The following DHRS3 variants were observed in gnomAD, a reference collection of about 807,000 sequenced individuals.
The protein encoded by DHRS3 is dehydrogenase/reductase 3, also known as short-chain dehydrogenase/reductase 3.
Under a neutral mutation model 27.2 loss-of-function variants are expected in DHRS3, and 14 were observed. The ratio of observed to expected loss-of-function variants is 0.52; its 90% CI spans 0.34 to 0.81. The LOEUF (loss-of-function observed/expected upper bound fraction) is 0.81, where lower values mean the gene tolerates loss of function less well. Ranked by LOEUF, DHRS3 falls within the 30% of genes least tolerant of loss-of-function variation. The probability of loss-of-function intolerance (pLI) is 0.01; values close to 1 mark genes in which losing one functional copy is unlikely to be tolerated. For synonymous variants in DHRS3, 165 were observed against 175.9 expected (o/e 0.94, Z 0.49); for missense variants, 322 against 406.2 (o/e 0.79, Z 1.78).
chr1:12,607,649 G>A (rs1013829515), intron 1 of DHRS3, among the ~76,000 whole-genome samples: 3 of 152,020 alleles, frequency 2.0e-5, no homozygotes, highest in African/African-American at 4.8e-5. Context: ...CTATAGCAAT[G>A]TGAGAAAGGA....
chr1:12,577,957 C>T (rs1158495914), intron 4 of DHRS3, among the ~76,000 whole-genome samples: 1 of 152,172 alleles, frequency 6.6e-6, no homozygotes, highest in Non-Finnish European at 1.5e-5. Context: ...GAGAACATTT[C>T]TGAAGGTCTT....
At position 12,571,842 on chromosome 1, in the gene DHRS3, T is replaced by C. The variant is rs185133890; in HGVS notation, c.824+886A>G. On this transcript the variant is annotated intron_variant, in intron 5 of 5. Transcript: ENST00000616661. Reference sequence around the variant, plus strand: ...AGCCACCGTGCCCGGCCACATTGTTTCTGTAATAATACTAAGATGTTATTT... The same window carrying C: ...AGCCACCGTGCCCGGCCACATTGTTCCTGTAATAATACTAAGATGTTATTT... Among the ~76,000 whole-genome samples the C allele has an allele frequency of 2.0e-5, 3 of 152,238 alleles. No individual in the cohort carries two copies. In the East Asian group the frequency reaches 5.8e-4, roughly 29 times the overall value.
intron 1 of DHRS3, among the ~76,000 whole-genome samples, chr1:12,583,441 C>G: frequency 6.8e-6 from 1 of 146,616 alleles, no homozygotes; most frequent in East Asian, 2.1e-4. Flanking sequence ...TCCATCCATC[C>G]ATCCACTCAC....
chr1:12,613,821 G>C (rs966618658), intron 1 of DHRS3, among the ~76,000 whole-genome samples: 3 of 152,158 alleles, frequency 2.0e-5, no homozygotes, highest in African/African-American at 7.2e-5. Context: ...CCAGGCTGGA[G>C]TGCAATGGCG....
intron 1 of DHRS3, among the ~76,000 whole-genome samples, chr1:12,598,057 G>A (rs550515801): frequency 2.6e-5 from 4 of 152,178 alleles, no homozygotes; most frequent in Admixed American, 6.5e-5. Flanking sequence ...CAGGAAGAAC[G>A]TATCACACAT....
chr1:12,595,721 G>A (rs1404479236), intron 1 of DHRS3, among the ~76,000 whole-genome samples: 3 of 151,714 alleles, frequency 2.0e-5, no homozygotes, highest in Non-Finnish European at 4.4e-5. Context: ...TGCAGATGGG[G>A]GGCGATGGGA....
intron 4 of DHRS3, among the ~76,000 whole-genome samples, chr1:12,573,438 G>A (rs1017258519): frequency 2.3e-4 from 35 of 152,218 alleles, no homozygotes; most frequent in African/African-American, 6.3e-4. Flanking sequence ...GCCTGTCTCC[G>A]CCATCAGGCA....
Position 12,617,788 on chromosome 1 carries a change from T to TTAAAAAA in DHRS3, c.-441_-440insTTTTTTA, listed in dbSNP as rs1646955557. 3.3e-4 allele frequency: 1 copy of TTAAAAAA among 3,072 alleles called. No homozygotes were observed. Among genetic ancestry groups the TTAAAAAA allele is most frequent in the South Asian group, 0.036 (1 of 28 alleles). 0.2% of individuals were successfully genotyped at this position (3,072 alleles called of 1,614,324 possible). ...GTCCCGCGGTTTCAAAGTGCAAGATTAAAAAAAAAAAAAAAAAAAAAAAAA... is the reference window on the plus strand; with the variant it reads ...GTCCCGCGGTTTCAAAGTGCAAGATTTAAAAAAAAAAAAAAAAAAAAAAAAAAAAAAA... On this transcript the variant is annotated 5_prime_UTR_variant, in exon 1 of 6. Coordinates refer to ENST00000616661, the MANE Select transcript of DHRS3 (RefSeq NM_004753.7).
In DHRS3 at chr1:12,618,182, G is replaced by A. The variant is rs531114036; in HGVS notation, c.-834C>T. On this transcript the variant is annotated 5_prime_UTR_variant, in exon 1 of 6. Transcript: ENST00000616661. The surrounding 1 kb of genome is among the most constrained non-coding windows in gnomAD (Gnocchi z 4.2). ...CTTTTTGTCCTTTCCAACTTGGAGA[G>A]GGTCCGGGTGTGGAGCGCGCGTGGA... is the stretch of plus-strand genomic sequence containing the variant. Among the ~76,000 whole-genome samples the A allele has an allele frequency of 9.2e-5, 14 of 152,214 alleles. No individual in the cohort carries two copies. The highest frequency in any genetic ancestry group is 1.9e-4 in the Non-Finnish European group (13 of 68,040).
chr1:12,607,845 A>ATGTG (rs202172866), intron 1 of DHRS3, among the ~76,000 whole-genome samples: 9 of 150,364 alleles, frequency 6.0e-5, no homozygotes, highest in Non-Finnish European at 1.2e-4. Flanking sequence ...ATATTTGTGT[A>ATGTG]TATGTGTGTG....
At chr1:12,607,156 T>G (rs901742400) in intron 1 of DHRS3, among the ~76,000 whole-genome samples, 1 of 152,238 alleles carries the variant, frequency 6.6e-6, no homozygotes, top group South Asian at 2.1e-4. Context: ...AAGGTTCGCA[T>G]TCATTCCTCT....
At chr1:12,571,526 A>AT (rs371364169) in intron 5 of DHRS3, among the ~76,000 whole-genome samples, 7,996 of 126,718 alleles carry the variant, frequency 0.063, 521 homozygotes, top group African/African-American at 0.15. Flanking sequence ...TGTGAGGTCA[A>AT]TTTTTTTTTT....
At chr1:12,606,334 A>G (rs1646871404) in intron 1 of DHRS3, among the ~76,000 whole-genome samples, 1 of 150,158 alleles carries the variant, frequency 6.7e-6, no homozygotes, top group Admixed American at 6.6e-5. Flanking sequence ...AAAAAAGCCA[A>G]TACCATAGAC....
chr1:12,579,381 G>A lies in DHRS3; in HGVS notation c.371C>T (p.Ala124Val), dbSNP rs1462883903. 3.1e-6 allele frequency: 5 copies of A among 1,614,068 alleles called. No individual in the cohort carries two copies. Among genetic ancestry groups the A allele is most frequent in the Non-Finnish European group, 4.2e-6 (5 of 1,180,032 alleles). ...TAGGCTCTTCCCATGGACCACGGCG[G>A]CATTGTTCACCAGGATGGTGATGTC... Reference protein sequence around the residue: ...VGDITILVNNAAVVHGKSLMD... With the variant: ...VGDITILVNNVAVVHGKSLMD... The change falls in exon 3 of 6, where the codon GCC becomes GTC. Residue 124 changes from alanine (A) to valine (V), a missense_variant. By Grantham distance (64) the Ala-to-Val change is moderately conservative (BLOSUM62 0). Coordinates refer to ENST00000616661, the MANE Select transcript of DHRS3 (RefSeq NM_004753.7).
In DHRS3 at chr1:12,615,400, G is replaced by T. The variant is rs372040188; in HGVS notation, c.195+1754C>A. ...GGCCCTGGCTGGATTCCCTGGAAGA[G>T]GACGTCCAGTCCAAGTTAGGTGGGG... On this transcript the variant is annotated intron_variant, in intron 1 of 5. Transcript: ENST00000616661. Among the ~76,000 whole-genome samples the T allele has an allele frequency of 6.6e-5, 10 of 152,308 alleles. No homozygotes were observed. In the South Asian group the frequency reaches 2.1e-3, roughly 32 times the overall value.
chr1:12,616,612 C>G, intron 1 of DHRS3: 1 of 986,692 alleles, frequency 1.0e-6, no homozygotes, highest in Non-Finnish European at 1.2e-6. Flanking sequence ...AGTGTCGGTC[C>G]GGCCAGACTA....
At chr1:12,570,362 C>T (rs1646525422) in intron 5 of DHRS3, among the ~76,000 whole-genome samples, 1 of 152,222 alleles carries the variant, frequency 6.6e-6, no homozygotes, top group South Asian at 2.1e-4. Flanking sequence ...CCCAGGCCCT[C>T]ACATGGGCCC....
rs1272941572 is a variant in DHRS3 at position 12,617,246 on chromosome 1, C to T, written c.103G>A (p.Asp35Asn). The T allele has an allele frequency of 2.5e-6, 4 of 1,613,692 alleles. No homozygotes were observed. Among genetic ancestry groups the T allele is most frequent in the Non-Finnish European group, 3.4e-6 (4 of 1,180,002 alleles). Residue 35 changes from aspartate to asparagine, a missense_variant, in exon 1 of 6, where the codon GAC becomes AAC. Transcript: ENST00000616661. Reference protein sequence around the residue: ...VGLVLPAKLRDLSRENVLITG... With the variant: ...VGLVLPAKLRNLSRENVLITG... ...ATGAGGACGTTCTCCCGCGACAGGT[C>T]CCGCAGCTTGGCGGGCAGCACCAGT...
chr1:12,571,706 G>A (rs1001849343), intron 5 of DHRS3, among the ~76,000 whole-genome samples: 1 of 151,790 alleles, frequency 6.6e-6, no homozygotes, highest in South Asian at 2.1e-4. Context: ...AATTTTTTTT[G>A]TATTTTTAGT....
Sources: allele counts gnomAD v4.1 joint callset (sites outside exome capture counted in the v4.1 genomes callset), GRCh38; gene constraint gnomAD v4.1.1; non-coding constraint Gnocchi (gnomAD v3.1); transcripts MANE v1.5; gene names NCBI Gene and HGNC (gene_info 2026-07-23, HGNC 2026-07-21).